CCDC18: variants seen among roughly 807,000 people sequenced by gnomAD.
CCDC18 encodes coiled-coil domain-containing protein 18.
In CCDC18, 157 loss-of-function variants were observed where a neutral mutation model predicts 196.0. The observed-to-expected ratio is 0.80, with a 90% CI of 0.70 to 0.91. The LOEUF is 0.91. Ranked by LOEUF, CCDC18 falls within the 40% of genes least tolerant of loss-of-function variation. The pLI is 0.00. For missense variants in CCDC18, 1,465 were observed against 1,611.6 expected (o/e 0.91, Z 1.56); for synonymous variants, 482 against 529.2 (o/e 0.91, Z 1.22).
intron 24 of CCDC18, 44 bp from the exon 25 acceptor site, chr1:93,256,291 T>C: frequency 2.0e-6 from 3 of 1,528,248 alleles, no homozygotes; most frequent in Non-Finnish European, 2.7e-6. Context: ...ATAGGTTATC[T>C]ATATATTTCA....
intron 6 of CCDC18, chr1:93,199,836 A>G (rs1653504075): frequency 2.0e-5 from 3 of 152,712 alleles, no homozygotes; most frequent in South Asian, 4.1e-4. Flanking sequence ...CCCGATGTCA[A>G]TTGCCACCTT....
chr1:93,239,260 T>C, intron 19 of CCDC18, 50 bp from the exon 20 acceptor site: 3 of 1,360,688 alleles, frequency 2.2e-6, no homozygotes, highest in Non-Finnish European at 3.0e-6. Context: ...AGAGACAAGT[T>C]AGTTGGTTAA....
At chr1:93,180,207 G>A (rs754875992), upstream of CCDC18, 2 of 1,613,018 alleles carry the variant, frequency 1.2e-6, no homozygotes, top group Non-Finnish European at 1.7e-6. Flanking sequence ...CGGCCAGAAG[G>A]AGCACGGGGA....
At chr1:93,180,368 C>CGCG (rs771482689), upstream of CCDC18, 3,627 of 1,315,884 alleles carry the variant, frequency 2.8e-3, 9 homozygotes, top group Non-Finnish European at 3.4e-3. Flanking sequence ...AGGTGGCGGC[C>CGCG]GCGGCGGCGG....
rs1218991157 is a variant in CCDC18 at position 93,239,323 on chromosome 1, G to A, written c.2617G>A (p.Glu873Lys). 1 of 1,587,268 alleles carries A rather than the reference G, an allele frequency of 6.3e-7. No individual in the cohort carries two copies. The highest frequency in any genetic ancestry group is 2.2e-5 in the East Asian group (1 of 44,574). Residue 873 changes from glutamate (E) to lysine (K), a missense_variant, in exon 20 of 29, where the codon GAG (glutamate) becomes AAG (lysine). Coordinates refer to ENST00000690025, the MANE Select transcript of CCDC18 (RefSeq NM_001378204.1). ...LTGTARQVKI[E>K]MDQYKEELSK... ...GTTTTTAATTAGGCAAGTAAAGATT[G>A]AGATGGATCAGTACAAAGAAGAGCT...
chr1:93,183,234 C>A, intron 1 of CCDC18, 126 bp from the exon 2 acceptor site: 2 of 627,314 alleles, frequency 3.2e-6, no homozygotes, highest in Non-Finnish European at 5.0e-6. Context: ...TGTTTTAAAC[C>A]ACCATGAAAG....
chr1:93,242,188 G>A (rs1477675214), intron 21 of CCDC18, among the ~76,000 whole-genome samples: 1 of 152,144 alleles, frequency 6.6e-6, no homozygotes, highest in East Asian at 1.9e-4. Flanking sequence ...GTCTTAGTCC[G>A]TTTTCATGCT....
At chr1:93,260,096 C>T (rs1663572820) in intron 26 of CCDC18, among the ~76,000 whole-genome samples, 1 of 152,142 alleles carries the variant, frequency 6.6e-6, no homozygotes, top group South Asian at 2.1e-4. Flanking sequence ...AGTAAAAGCA[C>T]ACGCCAGCCG....
chr1:93,237,301 C>T (rs1660190100), intron 19 of CCDC18, among the ~76,000 whole-genome samples: 1 of 152,186 alleles, frequency 6.6e-6, no homozygotes, highest in Non-Finnish European at 1.5e-5. Flanking sequence ...CTGGTGTCCA[C>T]CTTGAGTCTG....
chr1:93,208,070 T>C (rs928969699), intron 9 of CCDC18, among the ~76,000 whole-genome samples: 4 of 152,234 alleles, frequency 2.6e-5, no homozygotes, highest in Non-Finnish European at 4.4e-5. Context: ...TGAATAATGC[T>C]GCTATGAACG....
intron 21 of CCDC18, among the ~76,000 whole-genome samples, chr1:93,240,597 T>C (rs1408538865): frequency 6.6e-6 from 1 of 152,210 alleles, no homozygotes; most frequent in Admixed American, 6.5e-5. Context: ...GAAACTTAGA[T>C]ACTGTACCAC....
At chr1:93,276,180 G>A (rs1161751296) in intron 28 of CCDC18, among the ~76,000 whole-genome samples, 2 of 152,240 alleles carry the variant, frequency 1.3e-5, no homozygotes, top group African/African-American at 4.8e-5. Context: ...ACCGATACAT[G>A]AGAAGTGTTT....
intron 18 of CCDC18, among the ~76,000 whole-genome samples, chr1:93,233,454 A>G (rs1659551508): frequency 6.6e-6 from 1 of 152,170 alleles, no homozygotes; most frequent in East Asian, 1.9e-4. Context: ...TAAATTAGAA[A>G]ATGATCGTCC....
At chr1:93,218,972 T>TC (rs1656964107) in intron 14 of CCDC18, among the ~76,000 whole-genome samples, 1 of 152,240 alleles carries the variant, frequency 6.6e-6, no homozygotes, top group Admixed American at 6.5e-5. Context: ...ACACAGCTTC[T>TC]CCAATAATTT....
At chr1:93,265,868 A>C (rs186116718) in intron 27 of CCDC18, among the ~76,000 whole-genome samples, 5 of 152,112 alleles carry the variant, frequency 3.3e-5, no homozygotes, top group Admixed American at 2.6e-4. Context: ...CCCCACTGTC[A>C]ACATTAGACA....
At position 93,184,007 on chromosome 1, in the gene CCDC18, C is replaced by A; in HGVS notation, c.164C>A (p.Ala55Asp). ...AGTCCAAGTGAAAATTCTGATTATG[C>A]CCCTAATCCTTCAAGGTCTGAAAAG... is the stretch of plus-strand genomic sequence containing the variant. ...SVSPSENSDY[A>D]PNPSRSEKLI... Residue 55 changes from alanine (A) to aspartate (D), a missense_variant, in exon 3 of 29, where the codon GCC (alanine) becomes GAC (aspartate). Ala to Asp is a moderately radical substitution (Grantham distance 126). Transcript: ENST00000690025. 1.3e-6 allele frequency: 2 copies of A among 1,558,698 alleles called. No homozygotes were observed. Among genetic ancestry groups the A allele is most frequent in the East Asian group, 2.3e-5 (1 of 43,192 alleles).
At chr1:93,180,079 T>C, upstream of CCDC18, 1 of 1,613,496 alleles carries the variant, frequency 6.2e-7, no homozygotes, top group Non-Finnish European at 8.5e-7. Context: ...CAGCGAGGCC[T>C]TCAGGGGCAT....
chr1:93,238,673 T>A (rs917528384), intron 19 of CCDC18, among the ~76,000 whole-genome samples: 18 of 152,198 alleles, frequency 1.2e-4, no homozygotes, highest in African/African-American at 4.3e-4. Context: ...AAACTGGCTC[T>A]TAGTATGTTG....
At chr1:93,209,483 C>G (rs1240408904) in intron 9 of CCDC18, among the ~76,000 whole-genome samples, 1 of 152,198 alleles carries the variant, frequency 6.6e-6, no homozygotes, top group Non-Finnish European at 1.5e-5. Context: ...CAATGTTAAA[C>G]TGTTATGAAC....
Sources: allele counts gnomAD v4.1 joint callset (sites outside exome capture counted in the v4.1 genomes callset), GRCh38; gene constraint gnomAD v4.1.1; transcripts MANE v1.5; gene names NCBI Gene and HGNC (gene_info 2026-07-23, HGNC 2026-07-21).